The following PTPRD variants were observed in gnomAD, a reference collection of about 807,000 sequenced individuals.
PTPRD encodes the protein protein tyrosine phosphatase receptor type D, also known as receptor-type tyrosine-protein phosphatase delta.
A neutral mutation model predicts 214.5 loss-of-function variants in PTPRD; 34 were observed. The observed-to-expected ratio is 0.16, with a 90% CI of 0.12 to 0.21. The LOEUF (loss-of-function observed/expected upper bound fraction) is 0.21, where lower values mean the gene tolerates loss of function less well. Among genes scored for constraint, PTPRD ranks in the 10% least tolerant of loss-of-function variants. The pLI, the probability that PTPRD is intolerant of heterozygous loss-of-function variation, is 1.00. For synonymous variants in PTPRD, 1,128 were observed against 845.7 expected, an observed-to-expected ratio of 1.33 and a Z score of -5.79; for missense variants, 2,545 against 2,398.7, an observed-to-expected ratio of 1.06 and a Z score of -1.27.
At chr9:9,060,431 T>C (rs1362730294) in intron 10 of PTPRD, among the ~76,000 whole-genome samples, 1 of 152,130 alleles carries the variant, frequency 6.6e-6, no homozygotes, top group Non-Finnish European at 1.5e-5. Flanking sequence ...TTTTAGAATC[T>C]TGGGACAGAA....
intron 11 of PTPRD, among the ~76,000 whole-genome samples, chr9:8,870,519 T>C (rs1300354732): frequency 6.6e-6 from 1 of 152,126 alleles, no homozygotes; most frequent in East Asian, 1.9e-4. Flanking sequence ...TTCCAAATTC[T>C]TTTGGTTCAC....
intron 27 of PTPRD, among the ~76,000 whole-genome samples, chr9:8,492,492 G>T (rs1219690283): frequency 6.6e-6 from 1 of 151,292 alleles, no homozygotes; most frequent in Non-Finnish European, 1.5e-5. Flanking sequence ...TACTCGTTTT[G>T]TCACTTGTTA....
At position 10,478,883 on chromosome 9, in the gene PTPRD, A is replaced by G. The variant is rs971283861; in HGVS notation, c.-600+133515T>C. On this transcript the variant is annotated intron_variant, in intron 2 of 45. Coordinates refer to ENST00000381196, the MANE Select transcript of PTPRD (RefSeq NM_002839.4). ...AGAAAAATATTAGTATTTACTATCC[A>G]GTGAGATCTTGAAATGAAATTTCAA... 7.9e-5 allele frequency among the ~76,000 whole-genome samples: 12 copies of G among 152,138 alleles called. No homozygotes were observed. In the East Asian group the frequency reaches 2.1e-3, roughly 27 times the overall value.
intron 11 of PTPRD, among the ~76,000 whole-genome samples, chr9:8,800,317 C>T (rs1355064830): frequency 4.6e-5 from 7 of 152,082 alleles, no homozygotes; most frequent in Non-Finnish European, 7.4e-5. Context: ...AGAGCAACTC[C>T]ATCTTGAATA....
chr9:9,837,429 C>A (rs940425040), intron 5 of PTPRD, among the ~76,000 whole-genome samples: 1 of 152,110 alleles, frequency 6.6e-6, no homozygotes. Context: ...ATTTTAGGTT[C>A]TCTTTTCCTT....
chr9:9,017,634 A>T (rs1313919409), intron 11 of PTPRD, among the ~76,000 whole-genome samples: 2 of 152,200 alleles, frequency 1.3e-5, no homozygotes, highest in African/African-American at 4.8e-5. Flanking sequence ...ACTTGAAATA[A>T]ATCAAGAAAC....
chr9:9,076,223 C>T (rs552631508), intron 10 of PTPRD, among the ~76,000 whole-genome samples: 8 of 151,978 alleles, frequency 5.3e-5, no homozygotes, highest in Non-Finnish European at 7.4e-5. Flanking sequence ...ACTTCATCCA[C>T]TTTTTGATGG....
chr9:8,518,937 T>A (rs1013541411), intron 20 of PTPRD, among the ~76,000 whole-genome samples: 4 of 152,050 alleles, frequency 2.6e-5, no homozygotes, highest in African/African-American at 9.7e-5. Flanking sequence ...CTTGCCCCAA[T>A]AAATAAATGG....
intron 9 of PTPRD, among the ~76,000 whole-genome samples, chr9:9,195,687 T>G (rs2099938144): frequency 6.6e-6 from 1 of 150,786 alleles, no homozygotes; most frequent in Non-Finnish European, 1.5e-5. Context: ...ACCCTAGCAG[T>G]GTTCCTCAGC....
chr9:9,322,267 G>T (rs1344411784), intron 9 of PTPRD, among the ~76,000 whole-genome samples: 2 of 152,110 alleles, frequency 1.3e-5, no homozygotes, highest in African/African-American at 2.4e-5. Flanking sequence ...CTAAACTTTG[G>T]AACGATAAAA....
At chr9:9,696,873 C>T (rs1384794906) in intron 7 of PTPRD, among the ~76,000 whole-genome samples, 1 of 152,020 alleles carries the variant, frequency 6.6e-6, no homozygotes, top group Admixed American at 6.6e-5. Context: ...TTTACAAATT[C>T]TCTCTCACTT....
chr9:8,439,287 T>G (rs1315081759), intron 34 of PTPRD, among the ~76,000 whole-genome samples: 1 of 152,192 alleles, frequency 6.6e-6, no homozygotes, highest in Non-Finnish European at 1.5e-5. Flanking sequence ...CTTGATTTCT[T>G]TAACTGTTAA....
chr9:9,061,218 G>T (rs2099706720), intron 10 of PTPRD, among the ~76,000 whole-genome samples: 1 of 152,096 alleles, frequency 6.6e-6, no homozygotes, highest in Non-Finnish European at 1.5e-5. Flanking sequence ...AATTTGTTTT[G>T]TGTGTTTTTC....
At chr9:8,383,887 T>C (rs12343475) in intron 37 of PTPRD, among the ~76,000 whole-genome samples, 3,031 of 152,300 alleles carry the variant, frequency 0.02, 104 homozygotes, top group African/African-American at 0.07. Flanking sequence ...AGATATATTC[T>C]AACCCTGACT....
At chr9:10,013,624 A>G (rs1347660361) in intron 4 of PTPRD, among the ~76,000 whole-genome samples, 4 of 151,728 alleles carry the variant, frequency 2.6e-5, no homozygotes, top group Admixed American at 1.3e-4. Flanking sequence ...ATTGATGGCA[A>G]TTACTACAAG....
At chr9:8,934,768 C>T (rs35922476) in intron 11 of PTPRD, among the ~76,000 whole-genome samples, 86,965 of 150,576 alleles carry the variant, frequency 0.58, 26,742 homozygotes, top group Non-Finnish European at 0.7. Flanking sequence ...ATCTCCCTGT[C>T]TCTCCCACTC....
intron 12 of PTPRD, among the ~76,000 whole-genome samples, chr9:8,693,884 T>C (rs1009846550): frequency 4.6e-5 from 7 of 152,228 alleles, no homozygotes; most frequent in African/African-American, 1.7e-4. Context: ...TTTTTCTCTA[T>C]AGACTTGTTA....
rs576374116 is a variant in PTPRD at position 9,581,339 on chromosome 9, T to A, written c.-286-6558A>T. Among the ~76,000 whole-genome samples, 4 of 152,156 alleles carry A rather than the reference T, an allele frequency of 2.6e-5. No homozygotes were observed. The South Asian group carries it at 8.3e-4, about 31-fold the overall frequency. Reference sequence around the variant, plus strand: ...CAAAATATGTAAATTGTAGGTAATATAAGAATGATTTTGGCATAGGTTATC... The same window carrying A: ...CAAAATATGTAAATTGTAGGTAATAAAAGAATGATTTTGGCATAGGTTATC... On this transcript the variant is annotated intron_variant, in intron 7 of 45. Coordinates refer to ENST00000381196, the MANE Select transcript of PTPRD (RefSeq NM_002839.4).
At chr9:9,978,381 G>A (rs577440900) in intron 4 of PTPRD, among the ~76,000 whole-genome samples, 2 of 152,048 alleles carry the variant, frequency 1.3e-5, no homozygotes, top group South Asian at 2.1e-4. Context: ...AAATGGAAAC[G>A]CTAAAAGTGA....
Sources: allele counts gnomAD v4.1 joint callset (sites outside exome capture counted in the v4.1 genomes callset), GRCh38; gene constraint gnomAD v4.1.1; transcripts MANE v1.5; gene names NCBI Gene and HGNC (gene_info 2026-07-23, HGNC 2026-07-21).